FAM53B: variants seen among roughly 807,000 people sequenced by gnomAD.
FAM53B encodes family with sequence similarity 53 member B.
FAM53B carries 12 observed loss-of-function variants against 32.7 expected under a neutral mutation model. The ratio of observed to expected loss-of-function variants is 0.37; its 90% CI spans 0.24 to 0.59. FAM53B has a LOEUF of 0.59. FAM53B is among the 20% of genes least tolerant of loss of function. The pLI, the probability that FAM53B is intolerant of heterozygous loss-of-function variation, is 0.72. For missense variants in FAM53B, 477 were observed against 577.7 expected (o/e 0.83, Z 1.79); for synonymous variants, 234 against 228.7 (o/e 1.02, Z -0.21).
rs561813999 is a variant in FAM53B at position 124,677,438 on chromosome 10, G to A, written c.906+4169C>T. Reference sequence around the variant, plus strand: ...AGCTGTGCAGGAGGCCCACGGGGCCGGGCTTGCGCAGGGATCGCAGCATAG... The same window carrying A: ...AGCTGTGCAGGAGGCCCACGGGGCCAGGCTTGCGCAGGGATCGCAGCATAG... On this transcript the variant is annotated intron_variant, in intron 4 of 4. Coordinates refer to ENST00000337318, the MANE Select transcript of FAM53B (RefSeq NM_014661.4). Among the ~76,000 whole-genome samples, 21 of 152,370 alleles carry A rather than the reference G, an allele frequency of 1.4e-4. 1 individual carries two copies. The South Asian group carries it at 4.1e-3, about 30-fold the overall frequency.
chr10:124,623,150 C>T lies in FAM53B; in HGVS notation c.*92G>A, dbSNP rs557492865. ...ACTCAGGAAGCTTTCATCAGGCCCA[C>T]GAGTTGGGCTCCCCTTCAAGGGCCC... On this transcript the variant is annotated 3_prime_UTR_variant, in exon 5 of 5. Coordinates refer to ENST00000337318, the MANE Select transcript of FAM53B (RefSeq NM_014661.4). The T allele has an allele frequency of 5.5e-6, 8 of 1,456,266 alleles. No homozygotes were observed. In the South Asian group the frequency reaches 5.5e-5, roughly 10 times the overall value. 90.2% of individuals were successfully genotyped at this position (1,456,266 alleles called of 1,614,324 possible). A position where few individuals can be genotyped will look rare whatever the true frequency, so the allele number is the denominator to read the frequency against.
Position 124,621,929 on chromosome 10 carries a change from T to C in FAM53B, c.*1313A>G, listed in dbSNP as rs879346936. 1.3e-5 allele frequency: 2 copies of C among 152,450 alleles called. No homozygotes were observed. The highest frequency in any genetic ancestry group is 2.4e-5 in the African/African-American group (1 of 41,436). The allele number at this position is 152,450 out of a possible 1,614,324, so 9.4% of individuals were successfully genotyped here. ...ACATTCGCTAAAAGCCAGATTCCCA[T>C]AGAGCAGAGCCCATGTGGTGGTGTC... On this transcript the variant is annotated 3_prime_UTR_variant, in exon 5 of 5. Transcript: ENST00000337318.
At chr10:124,641,221 A>G (rs1949469597) in intron 4 of FAM53B, among the ~76,000 whole-genome samples, 1 of 152,196 alleles carries the variant, frequency 6.6e-6, no homozygotes, top group Admixed American at 6.5e-5. Flanking sequence ...CTCTTCCTCG[A>G]TATGTTGGAT....
At chr10:124,628,152 T>C (rs959220582) in intron 4 of FAM53B, among the ~76,000 whole-genome samples, 16 of 152,060 alleles carry the variant, frequency 1.1e-4, no homozygotes, top group African/African-American at 3.6e-4. Flanking sequence ...CTAAACCACA[T>C]GTTTTATCAG....
intron 1 of FAM53B, among the ~76,000 whole-genome samples, chr10:124,709,736 A>T (rs1462916871): frequency 1.3e-5 from 2 of 152,198 alleles, no homozygotes; most frequent in Non-Finnish European, 2.9e-5. Context: ...AGCCAGTTCA[A>T]ACTGTACAGA....
intron 4 of FAM53B, among the ~76,000 whole-genome samples, chr10:124,660,048 C>T (rs1229927595): frequency 6.6e-6 from 1 of 152,244 alleles, no homozygotes; most frequent in East Asian, 1.9e-4. Context: ...CTCAAGTGAC[C>T]CACCCGCCTT....
At chr10:124,725,654 G>A (rs1173598409) in intron 1 of FAM53B, among the ~76,000 whole-genome samples, 5 of 152,314 alleles carry the variant, frequency 3.3e-5, no homozygotes, top group East Asian at 1.9e-4. Flanking sequence ...GGCTGCCTCC[G>A]TTAGTATCTG....
chr10:124,738,779 A>G (rs866000686), intron 1 of FAM53B, among the ~76,000 whole-genome samples: 24 of 152,248 alleles, frequency 1.6e-4, no homozygotes, highest in African/African-American at 5.3e-4. Context: ...TTACTTTGAG[A>G]CATCTGAATT....
chr10:124,698,474 G>C (rs12762597), intron 2 of FAM53B, among the ~76,000 whole-genome samples: 3 of 152,020 alleles, frequency 2.0e-5, no homozygotes, highest in Non-Finnish European at 4.4e-5. Context: ...TCCTGACCCA[G>C]GCCTTCGCAA....
chr10:124,641,767 G>C (rs919406126), intron 4 of FAM53B, among the ~76,000 whole-genome samples: 2 of 152,180 alleles, frequency 1.3e-5, no homozygotes, highest in Non-Finnish European at 2.9e-5. Context: ...TCGGTCCCAG[G>C]TGTCAACAGG....
rs1033230029 is a variant in FAM53B, at chr10:124,620,607, G to A, written c.*2635C>T. 7 of 152,414 alleles carry A rather than the reference G, an allele frequency of 4.6e-5. No individual in the cohort carries two copies. Among genetic ancestry groups the A allele is most frequent in the Non-Finnish European group, 1.0e-4 (7 of 68,118 alleles). The allele number at this position is 152,414 out of a possible 1,614,324, so 9.4% of individuals were successfully genotyped here. A position where few individuals can be genotyped will look rare whatever the true frequency, so the allele number is the denominator to read the frequency against. On this transcript the variant is annotated 3_prime_UTR_variant, in exon 5 of 5. Transcript: ENST00000337318. The stretch of plus-strand genomic sequence containing the variant: ...CACCAATGTGGGGGGCACCTCCTAG[G>A]CGAACCTCCCTCCCAGAGGACTGAG...
chr10:124,667,562 G>A, intron 4 of FAM53B: 1 of 657,988 alleles, frequency 1.5e-6, no homozygotes, highest in Non-Finnish European at 2.8e-6. Context: ...CATCCACAGG[G>A]CTGAGGAGGA....
chr10:124,743,497 C>G (rs570955477), intron 1 of FAM53B, among the ~76,000 whole-genome samples: 2 of 152,284 alleles, frequency 1.3e-5, no homozygotes, highest in Admixed American at 1.3e-4. Context: ...CGGAGCCCGC[C>G]GCCTCGCTCC....
intron 4 of FAM53B, among the ~76,000 whole-genome samples, chr10:124,660,653 G>A (rs1204974059): frequency 6.6e-6 from 1 of 152,202 alleles, no homozygotes; most frequent in African/African-American, 2.4e-5. Context: ...CCCTATCGAG[G>A]GCCAGCTTTA....
intron 4 of FAM53B, among the ~76,000 whole-genome samples, chr10:124,678,809 G>A (rs1466949330): frequency 3.3e-5 from 5 of 152,142 alleles, no homozygotes; most frequent in Admixed American, 6.5e-5. Context: ...TCCTGCTGGC[G>A]GATTGGAGGG....
In FAM53B at chr10:124,667,499, G is replaced by A. The variant is rs970263995; in HGVS notation, c.906+14108C>T. ...ACCTGCCAACAGTCAGCAGCCCACA[G>A]CTGTGGCCTGGCACTCCACCTGTGT... On this transcript the variant is annotated intron_variant, in intron 4 of 4. Coordinates refer to ENST00000337318, the MANE Select transcript of FAM53B (RefSeq NM_014661.4). The A allele has an allele frequency of 3.2e-5, 23 of 722,092 alleles. No individual in the cohort carries two copies. In the Middle Eastern group the frequency reaches 8.4e-4, roughly 26 times the overall value. 44.7% of individuals were successfully genotyped at this position (722,092 alleles called of 1,614,324 possible). A position where few individuals can be genotyped will look rare whatever the true frequency, so the allele number is the denominator to read the frequency against.
At chr10:124,626,644 C>A (rs1057214197) in intron 4 of FAM53B, among the ~76,000 whole-genome samples, 1 of 152,234 alleles carries the variant, frequency 6.6e-6, no homozygotes. Context: ...GCGGTTTATA[C>A]GTTCCCCAGT....
At chr10:124,671,058 G>A (rs548854174) in intron 4 of FAM53B, 193 of 427,694 alleles carry the variant, frequency 4.5e-4, no homozygotes, top group Admixed American at 1.5e-3. Flanking sequence ...GCGCTTAACT[G>A]AAGGATGCTG....
chr10:124,721,037 C>CA (rs1238495472), intron 1 of FAM53B, among the ~76,000 whole-genome samples: 1 of 151,968 alleles, frequency 6.6e-6, no homozygotes, highest in East Asian at 1.9e-4. Context: ...CCATCTCTAC[C>CA]AAAAATACAA....
Sources: gnomAD v4.1 joint callset for allele counts (sites outside exome capture counted in the v4.1 genomes callset) on GRCh38, gnomAD v4.1.1 for gene constraint, MANE v1.5 for transcripts, NCBI Gene and HGNC (gene_info 2026-07-23, HGNC 2026-07-21) for gene names.